SNTB1: variants seen among roughly 807,000 people sequenced by gnomAD.
SNTB1 encodes the protein beta-1-syntrophin.
SNTB1 carries 36 observed loss-of-function variants against 48.9 expected under a neutral mutation model. That is an observed-to-expected ratio of 0.74 (90% confidence interval 0.56 to 0.97). SNTB1 has a LOEUF of 0.97. Among genes scored for constraint, SNTB1 ranks in the 50% least tolerant of loss-of-function variants. The pLI, the probability that SNTB1 is intolerant of heterozygous loss-of-function variation, is 0.00. For missense variants in SNTB1, 786 were observed against 703.4 expected (o/e 1.12, Z -1.33); for synonymous variants, 299 against 294.6 (o/e 1.01, Z -0.15).
chr8:120,634,498 T>C (rs1399426924), intron 2 of SNTB1, among the ~76,000 whole-genome samples: 2 of 152,182 alleles, frequency 1.3e-5, no homozygotes, highest in African/African-American at 4.8e-5. Context: ...TTCAAACCCA[T>C]GTTAAATTGG....
intron 1 of SNTB1, among the ~76,000 whole-genome samples, chr8:120,703,075 T>C (rs970504963): frequency 6.6e-6 from 1 of 152,210 alleles, no homozygotes; most frequent in Admixed American, 6.5e-5. Context: ...AAACATGGAA[T>C]TGTGAGCAAA....
chr8:120,577,346 G>A (rs1190041865), intron 3 of SNTB1, among the ~76,000 whole-genome samples: 1 of 152,166 alleles, frequency 6.6e-6, no homozygotes, highest in African/African-American at 2.4e-5. Context: ...TATTTTAAAA[G>A]CTAGCTTTAG....
intron 2 of SNTB1, among the ~76,000 whole-genome samples, chr8:120,670,614 G>A (rs1817743445): frequency 6.6e-6 from 1 of 152,198 alleles, no homozygotes. Flanking sequence ...TTTGTAATAA[G>A]TGTGCAAATA....
At chr8:120,713,449 A>G (rs1478315679) in intron 1 of SNTB1, among the ~76,000 whole-genome samples, 1 of 152,158 alleles carries the variant, frequency 6.6e-6, no homozygotes, top group African/African-American at 2.4e-5. Flanking sequence ...TGAATCATAC[A>G]GGCTGGGCAT....
chr8:120,708,773 G>A (rs1818417041), intron 1 of SNTB1, among the ~76,000 whole-genome samples: 1 of 152,010 alleles, frequency 6.6e-6, no homozygotes. Context: ...ACAGTTATAG[G>A]AAACAAAAGA....
intron 1 of SNTB1, among the ~76,000 whole-genome samples, chr8:120,721,390 G>A (rs751342230): frequency 2.6e-5 from 4 of 152,180 alleles, no homozygotes; most frequent in Middle Eastern, 6.8e-3. Context: ...TAATTGCAGG[G>A]GCATCTGTTA....
intron 1 of SNTB1, among the ~76,000 whole-genome samples, chr8:120,738,853 C>T (rs933361050): frequency 2.6e-5 from 4 of 152,056 alleles, no homozygotes; most frequent in African/African-American, 9.7e-5. Context: ...TATTTTTCAC[C>T]ATACACATGG....
intron 1 of SNTB1, among the ~76,000 whole-genome samples, chr8:120,795,130 T>C (rs1322532397): frequency 2.0e-5 from 3 of 152,086 alleles, no homozygotes; most frequent in African/African-American, 7.2e-5. Context: ...TTAAAATTTA[T>C]TTGTATCAAA....
chr8:120,663,157 TG>T (rs768587153), intron 2 of SNTB1, among the ~76,000 whole-genome samples: 1 of 152,166 alleles, frequency 6.6e-6, no homozygotes, highest in Non-Finnish European at 1.5e-5. Flanking sequence ...ATGAGCTAAG[TG>T]GCCCTGGAGA....
rs1587106181 is a variant in SNTB1, at chr8:120,709,867, T to G, written c.572-15959A>C. ...GAAAATAATACTAAAAGCATGGGGT[T>G]GTTGTGTATATTTTACCAGATGATA... On this transcript the variant is annotated intron_variant, in intron 1 of 6. Transcript: ENST00000517992. 3.3e-5 allele frequency among the ~76,000 whole-genome samples: 5 copies of G among 152,034 alleles called. 1 individual carries two copies. The South Asian group carries it at 8.3e-4, about 25-fold the overall frequency.
At chr8:120,787,481 A>T (rs1819943615) in intron 1 of SNTB1, among the ~76,000 whole-genome samples, 1 of 152,126 alleles carries the variant, frequency 6.6e-6, no homozygotes, top group African/African-American at 2.4e-5. Flanking sequence ...AATAAATTTC[A>T]AAAACAATTC....
chr8:120,629,673 G>C (rs1408178019), intron 3 of SNTB1, among the ~76,000 whole-genome samples: 1 of 152,182 alleles, frequency 6.6e-6, no homozygotes, highest in Non-Finnish European at 1.5e-5. Flanking sequence ...AAAAAATCTA[G>C]TTTGGATTTG....
intron 3 of SNTB1, among the ~76,000 whole-genome samples, chr8:120,597,253 C>A (rs1298151453): frequency 1.3e-5 from 2 of 152,214 alleles, no homozygotes; most frequent in African/African-American, 2.4e-5. Context: ...GGGCACGTGG[C>A]CCTACCAACA....
At chr8:120,797,189 G>A (rs951198842) in intron 1 of SNTB1, among the ~76,000 whole-genome samples, 3 of 151,954 alleles carry the variant, frequency 2.0e-5, no homozygotes, top group African/African-American at 7.2e-5. Flanking sequence ...AAAACACGGT[G>A]TCCTGTCATT....
At chr8:120,561,075 C>A (rs2130667376) in intron 4 of SNTB1, among the ~76,000 whole-genome samples, 1 of 152,086 alleles carries the variant, frequency 6.6e-6, no homozygotes, top group South Asian at 2.1e-4. Flanking sequence ...TGCCTGTAAT[C>A]CCAGCATTTG....
chr8:120,727,614 A>G (rs144674633), intron 1 of SNTB1, among the ~76,000 whole-genome samples: 3 of 152,338 alleles, frequency 2.0e-5, no homozygotes, highest in Non-Finnish European at 2.9e-5. Flanking sequence ...GTGTTTTTTC[A>G]TCATATGTAG....
chr8:120,734,409 T>C (rs1195514469), intron 1 of SNTB1, among the ~76,000 whole-genome samples: 2 of 149,274 alleles, frequency 1.3e-5, no homozygotes, highest in African/African-American at 5.0e-5. Flanking sequence ...ATTGCACCAT[T>C]GCACTCCAGC....
intron 2 of SNTB1, among the ~76,000 whole-genome samples, chr8:120,654,694 A>G (rs1156492761): frequency 6.6e-6 from 1 of 152,182 alleles, no homozygotes; most frequent in Non-Finnish European, 1.5e-5. Flanking sequence ...AACTCACAAT[A>G]AAAGAGTAAT....
chr8:120,603,813 A>C lies in SNTB1; in HGVS notation c.997-28588T>G, dbSNP rs147424471. Among the ~76,000 whole-genome samples, 369 of 152,322 alleles carry C rather than the reference A, an allele frequency of 2.4e-3. 4 individuals are homozygous for C. The highest frequency in any genetic ancestry group is 8.6e-3 in the African/African-American group (357 of 41,576). ...CAGACCTAATATTCAGTTCATGATC[A>C]ATTCACTAATCAATCTTGGGAGGAA... is the stretch of plus-strand genomic sequence containing the variant. On this transcript the variant is annotated intron_variant, in intron 3 of 6. Coordinates refer to ENST00000517992, the MANE Select transcript of SNTB1 (RefSeq NM_021021.4).
Sources: gnomAD v4.1 joint callset for allele counts (sites outside exome capture counted in the v4.1 genomes callset) on GRCh38, gnomAD v4.1.1 for gene constraint, MANE v1.5 for transcripts, NCBI Gene and HGNC (gene_info 2026-07-23, HGNC 2026-07-21) for gene names.